UGT2B17: variants seen among roughly 807,000 people sequenced by gnomAD.
The protein encoded by UGT2B17 is UDP glucuronosyltransferase family 2 member B17.
UGT2B17 carries 21 observed loss-of-function variants against 48.2 expected under a neutral mutation model. The ratio of observed to expected loss-of-function variants is 0.44; its 90% CI spans 0.31 to 0.63. The LOEUF (loss-of-function observed/expected upper bound fraction) is 0.63. Ranked by LOEUF, UGT2B17 falls within the 20% of genes least tolerant of loss-of-function variation. The pLI is 0.08. For synonymous variants in UGT2B17, 146 were observed against 238.4 expected (o/e 0.61, Z 3.57); for missense variants, 402 against 696.1 (o/e 0.58, Z 4.75).
chr4:68,545,413 G>A (rs10004842), intron 6 of UGT2B17, among the ~76,000 whole-genome samples: 109,844 of 122,798 alleles, frequency 0.89, 52,206 homozygotes, highest in Non-Finnish European at 0.99. Flanking sequence ...TCTCTGGGAC[G>A]CATTCAAAGC....
rs1731220201 is a variant in UGT2B17, at chr4:68,567,470, A to G, written c.724+291T>C. 1.6e-5 allele frequency among the ~76,000 whole-genome samples: 2 copies of G among 126,396 alleles called. 1 individual carries two copies. The highest frequency in any genetic ancestry group is 3.4e-5 in the Non-Finnish European group (2 of 59,598). The allele number at this position is 126,396 out of a possible 152,430, so 82.9% of individuals were successfully genotyped here. A position where few individuals can be genotyped will look rare whatever the true frequency, so the allele number is the denominator to read the frequency against. ...TTGAAGTATCTATTGACTTTTTTAA[A>G]GATGAAAAAATGTATAGCAAAATGA... is the stretch of plus-strand genomic sequence containing the variant. On this transcript the variant is annotated intron_variant, in intron 2 of 6. Coordinates refer to ENST00000317746, the MANE Select transcript of UGT2B17 (RefSeq NM_001077.4).
intron 1 of UGT2B17, among the ~76,000 whole-genome samples, chr4:68,573,664 G>T (rs568395984): frequency 1.6e-5 from 2 of 126,082 alleles, no homozygotes; most frequent in Admixed American, 1.6e-4. Context: ...ATAGCCCAAT[G>T]GACTAAGGCA....
rs1378728972 is a variant in UGT2B17 at position 68,546,392 on chromosome 4, C to A, written c.1313+4285G>T. Among the ~76,000 whole-genome samples, 2 of 126,642 alleles carry A rather than the reference C, an allele frequency of 1.6e-5. 1 individual carries two copies. Among genetic ancestry groups the A allele is most frequent in the Non-Finnish European group, 3.3e-5 (2 of 59,716 alleles). 83.1% of individuals were successfully genotyped at this position (126,642 alleles called of 152,430 possible). A position where few individuals can be genotyped will look rare whatever the true frequency, so the allele number is the denominator to read the frequency against. On this transcript the variant is annotated intron_variant, in intron 6 of 6. Transcript: ENST00000317746. ...ATTCAACAACACTTCATGCTAAAAACTCTCAATAAATTAGGTATTGATGGG... is the reference window on the plus strand; with the variant it reads ...ATTCAACAACACTTCATGCTAAAAAATCTCAATAAATTAGGTATTGATGGG...
At chr4:68,551,225 C>T (rs1730908514) in intron 5 of UGT2B17, among the ~76,000 whole-genome samples, 1 of 125,300 alleles carries the variant, frequency 8.0e-6, no homozygotes, top group Non-Finnish European at 1.7e-5. Flanking sequence ...ATTTGGTATA[C>T]AAGAACATAG....
chr4:68,540,043 C>T lies in UGT2B17; in HGVS notation c.1314-2139G>A, dbSNP rs1435481508. Among the ~76,000 whole-genome samples the T allele has an allele frequency of 4.0e-5, 5 of 123,834 alleles. 1 individual carries two copies. Among genetic ancestry groups the T allele is most frequent in the Non-Finnish European group, 8.5e-5 (5 of 59,002 alleles). The allele number at this position is 123,834 out of a possible 152,430, so 81.2% of individuals were successfully genotyped here. On this transcript the variant is annotated intron_variant, in intron 6 of 6. Transcript: ENST00000317746. ...AAATGTGATCCTCCCACCTTGGCCT[C>T]CCAAAGTGTTGGAATTACAGGTGTG... is the stretch of plus-strand genomic sequence containing the variant.
intron 1 of UGT2B17, among the ~76,000 whole-genome samples, chr4:68,575,264 A>AGGG (rs373190659): frequency 4.2e-5 from 1 of 23,732 alleles, no homozygotes; most frequent in African/African-American, 1.2e-4. Context: ...AACTATTGTG[A>AGGG]GGGGGGGTGG....
rs1578167016 is a variant in UGT2B17 at position 68,551,027 on chromosome 4, A to T, written c.1094-131T>A. 20 of 674,964 alleles carry T rather than the reference A, an allele frequency of 3.0e-5. 6 individuals are homozygous for T. The highest frequency in any genetic ancestry group is 2.3e-4 in the East Asian group (2 of 8,814). The allele number at this position is 674,964 out of a possible 1,614,324, so 41.8% of individuals were successfully genotyped here. A position where few individuals can be genotyped will look rare whatever the true frequency, so the allele number is the denominator to read the frequency against. ...ATTATACCCACAAAACTGCATTGAAATTGTTTTCAAATTTCAGAGGAAGAA... is the reference window on the plus strand; with the variant it reads ...ATTATACCCACAAAACTGCATTGAATTTGTTTTCAAATTTCAGAGGAAGAA... On this transcript the variant is annotated intron_variant, in intron 5 of 6. Transcript: ENST00000317746.
rs1731123150 is a variant in UGT2B17, at chr4:68,562,515, T to C, written c.874-1847A>G. Reference sequence around the variant, plus strand: ...TGCAGTTGCCTGTAGCCACATTTAATGTAACTTCGGTTTAATGTTTTGTCT... The same window carrying C: ...TGCAGTTGCCTGTAGCCACATTTAACGTAACTTCGGTTTAATGTTTTGTCT... On this transcript the variant is annotated intron_variant, in intron 3 of 6. Coordinates refer to ENST00000317746, the MANE Select transcript of UGT2B17 (RefSeq NM_001077.4). Among the ~76,000 whole-genome samples the C allele has an allele frequency of 1.6e-5, 2 of 125,876 alleles. 1 individual carries two copies. The highest frequency in any genetic ancestry group is 1.6e-4 in the Admixed American group (2 of 12,142). 82.6% of individuals were successfully genotyped at this position (125,876 alleles called of 152,430 possible).
At chr4:68,569,834 G>A (rs1731271669) in intron 1 of UGT2B17, among the ~76,000 whole-genome samples, 1 of 126,256 alleles carries the variant, frequency 7.9e-6, no homozygotes, top group Non-Finnish European at 1.7e-5. Flanking sequence ...TGCCATTTTA[G>A]GCCTCAGCCC....
In UGT2B17 at chr4:68,550,001, C is replaced by T. The variant is rs1161712519; in HGVS notation, c.1313+676G>A. ...ATAAATAAAACTAAAAATAATTATG[C>T]TAAGTGAAAGAAGTCGTTTACAAAA... On this transcript the variant is annotated intron_variant, in intron 6 of 6. Coordinates refer to ENST00000317746, the MANE Select transcript of UGT2B17 (RefSeq NM_001077.4). Among the ~76,000 whole-genome samples, 4 of 124,732 alleles carry T rather than the reference C, an allele frequency of 3.2e-5. 2 individuals carry two copies. The highest frequency in any genetic ancestry group is 6.8e-5 in the Non-Finnish European group (4 of 59,114). 81.8% of individuals were successfully genotyped at this position (124,732 alleles called of 152,430 possible). A position where few individuals can be genotyped will look rare whatever the true frequency, so the allele number is the denominator to read the frequency against.
rs759272707 is a variant in UGT2B17, at chr4:68,565,589, C to T, written c.856G>A (p.Ala286Thr). The change falls in exon 3 of 7, where the codon GCC becomes ACC. Residue 286 changes from alanine (A) to threonine (T), a missense_variant. This residue lies in a region of UGT2B17 where 106 missense variants were observed against 169.8 expected (regional missense o/e 0.62). Transcript: ENST00000317746. Reference sequence around the variant, plus strand: ...ATGTTCACCTTAGGCAAGGGTTTGGCTGGTTTACAGTGAAGTCCTCCAACA... The same window carrying T: ...ATGTTCACCTTAGGCAAGGGTTTGGTTGGTTTACAGTGAAGTCCTCCAACA... The part of the protein sequence containing the change: ...DFVGGLHCKP[A>T]KPLPKEMEEF... 2.2e-6 allele frequency: 3 copies of T among 1,368,804 alleles called. No individual in the cohort carries two copies. The highest frequency in any genetic ancestry group is 3.0e-5 in the African/African-American group (2 of 67,094). 84.8% of individuals were successfully genotyped at this position (1,368,804 alleles called of 1,614,324 possible).
chr4:68,557,251 G>T (rs1471371682), intron 4 of UGT2B17, among the ~76,000 whole-genome samples: 2 of 124,736 alleles, frequency 1.6e-5, no homozygotes, highest in African/African-American at 5.5e-5. Context: ...AAAACTTTTT[G>T]TCATCCACAG....
At chr4:68,545,910 T>C (rs1174165428) in intron 6 of UGT2B17, among the ~76,000 whole-genome samples, 1 of 125,058 alleles carries the variant, frequency 8.0e-6, no homozygotes, top group African/African-American at 2.7e-5. Context: ...AATAACAGGC[T>C]CTGAAATTGA....
intron 1 of UGT2B17, among the ~76,000 whole-genome samples, chr4:68,569,384 C>A (rs1457983786): frequency 8.0e-6 from 1 of 124,256 alleles, no homozygotes; most frequent in South Asian, 3.7e-4. Context: ...AAGTTCCTGA[C>A]TTTATGTGAA....
chr4:68,554,020 C>CT (rs535763829), intron 4 of UGT2B17, among the ~76,000 whole-genome samples: 1 of 124,876 alleles, frequency 8.0e-6, no homozygotes, highest in Non-Finnish European at 1.7e-5. Context: ...GAAAAATTAA[C>CT]TTTTAAAAAA....
At chr4:68,544,646 T>C (rs1288973824) in intron 6 of UGT2B17, among the ~76,000 whole-genome samples, 1 of 125,856 alleles carries the variant, frequency 7.9e-6, no homozygotes, top group African/African-American at 2.7e-5. Flanking sequence ...AGACACAGAC[T>C]GGCAAACTGG....
chr4:68,543,456 A>T (rs1277958188), intron 6 of UGT2B17, among the ~76,000 whole-genome samples: 1 of 125,208 alleles, frequency 8.0e-6, no homozygotes, highest in Non-Finnish European at 1.7e-5. Flanking sequence ...ATCAAAAACC[A>T]AAGGTAGATA....
chr4:68,542,135 C>T (rs1730670670), intron 6 of UGT2B17, among the ~76,000 whole-genome samples: 1 of 125,938 alleles, frequency 7.9e-6, no homozygotes, highest in South Asian at 3.7e-4. Context: ...AATCCTTCCC[C>T]TAATTGCTTG....
At position 68,563,035 on chromosome 4, in the gene UGT2B17, G is replaced by A. The variant is rs190819248; in HGVS notation, c.874-2367C>T. On this transcript the variant is annotated intron_variant, in intron 3 of 6. Transcript: ENST00000317746. ...TGAATTATTTCCAGAGTTTTTTAAC[G>A]AATATTTGCTACTAATATTGAATCT... Among the ~76,000 whole-genome samples the A allele has an allele frequency of 2.1e-4, 26 of 126,202 alleles. 5 individuals are homozygous for A. The highest frequency in any genetic ancestry group is 1.5e-3 in the Admixed American group (18 of 12,330). The allele number at this position is 126,202 out of a possible 152,430, so 82.8% of individuals were successfully genotyped here.
Sources: gnomAD v4.1 joint callset for allele counts (sites outside exome capture counted in the v4.1 genomes callset) on GRCh38, gnomAD v4.1.1 for gene constraint, gnomAD v4.1.1 regional missense constraint, MANE v1.5 for transcripts, NCBI Gene and HGNC (gene_info 2026-07-23, HGNC 2026-07-21) for gene names.